Variants in MEP1B observed in about 807,000 individuals in gnomAD.
The protein encoded by MEP1B is N-benzoyl-L-tyrosyl-P-amino-benzoic acid hydrolase subunit beta.
A neutral mutation model predicts 84.6 loss-of-function variants in MEP1B; 80 were observed. That is an observed-to-expected ratio of 0.95 (90% CI 0.79 to 1.14). The LOEUF is 1.14. Ranked by LOEUF, MEP1B falls within the 50% of genes most tolerant of loss-of-function variation. The pLI is 0.00. For missense variants in MEP1B, 766 were observed against 855.1 expected, an observed-to-expected ratio of 0.90 and a Z score of 1.30; for synonymous variants, 273 against 288.1, an observed-to-expected ratio of 0.95 and a Z score of 0.53.
At chr18:32,200,050 C>A (rs1281165150) in intron 5 of MEP1B, among the ~76,000 whole-genome samples, 1 of 151,682 alleles carries the variant, frequency 6.6e-6, no homozygotes, top group African/African-American at 2.4e-5. Flanking sequence ...ATGTATTTAA[C>A]CATGAGCTTT....
rs1371550103 is a variant in MEP1B at position 32,207,474 on chromosome 18, T to C, written c.766+4T>C. On this transcript the variant is annotated splice_donor_region_variant and intron_variant, in intron 8 of 14. Coordinates refer to ENST00000269202, the MANE Select transcript of MEP1B (RefSeq NM_005925.3). ...TTGAATCAACTGTATAACTGCTGTA[T>C]GTGACAGGTTCTTTGAAATGACTTA... The C allele has an allele frequency of 6.9e-6, 11 of 1,586,092 alleles. No homozygotes were observed. Among genetic ancestry groups the C allele is most frequent in the South Asian group, 2.2e-5 (2 of 89,196 alleles).
intron 5 of MEP1B, among the ~76,000 whole-genome samples, chr18:32,201,424 C>T (rs908432864): frequency 1.3e-5 from 2 of 151,976 alleles, no homozygotes; most frequent in Non-Finnish European, 2.9e-5. Context: ...CATATTATAG[C>T]TTCTCAGATT....
Position 32,217,969 on chromosome 18 carries a change from A to G in MEP1B, c.2091+4A>G, listed in dbSNP as rs1410609217. On this transcript the variant is annotated splice_donor_region_variant and intron_variant, in intron 14 of 14. Transcript: ENST00000269202. ...ACCAAATTTGACTCCGCAAAATGTA[A>G]GTTGAGGCTGATGTTTGATTATTCA... The G allele has an allele frequency of 6.2e-7, 1 of 1,613,408 alleles. No individual in the cohort carries two copies. Among genetic ancestry groups the G allele is most frequent in the South Asian group, 1.1e-5 (1 of 91,038 alleles).
Position 32,220,223 on chromosome 18 carries a change from C to A in MEP1B, c.2092-8C>A. On this transcript the variant is annotated splice_polypyrimidine_tract_variant and splice_region_variant and intron_variant, in intron 14 of 14. Transcript: ENST00000269202. The stretch of plus-strand genomic sequence containing the variant: ...AATTAAATCATCAATTGTTCTTTCC[C>A]CTTTTAGCAGCATGCTTTTTGAAGA... 6.2e-7 allele frequency: 1 copy of A among 1,605,416 alleles called. No individual in the cohort carries two copies. The highest frequency in any genetic ancestry group is 2.2e-5 in the East Asian group (1 of 44,744).
intron 5 of MEP1B, among the ~76,000 whole-genome samples, chr18:32,201,120 C>T (rs1598890173): frequency 2.0e-5 from 3 of 152,004 alleles, no homozygotes; most frequent in African/African-American, 7.2e-5. Flanking sequence ...AAGAAACTAT[C>T]CTCATTAAGT....
chr18:32,215,694 G>T (rs2041077215), intron 12 of MEP1B, among the ~76,000 whole-genome samples: 1 of 151,958 alleles, frequency 6.6e-6, no homozygotes, highest in East Asian at 1.9e-4. Flanking sequence ...CGTGGTGGCG[G>T]GCGCCTGTAG....
chr18:32,202,644 T>C (rs912393043), intron 5 of MEP1B, among the ~76,000 whole-genome samples: 10 of 152,214 alleles, frequency 6.6e-5, no homozygotes, highest in Non-Finnish European at 1.5e-4. Flanking sequence ...TTTTATTGTT[T>C]AGTAATGCAC....
At position 32,215,261 on chromosome 18, in the gene MEP1B, G is replaced by C. The variant is rs1252345354; in HGVS notation, c.1759G>C (p.Asp587His). The change falls in exon 12 of 15, where the codon GAC becomes CAC. Residue 587 changes from aspartate (D) to histidine (H), a missense_variant and splice_region_variant. Physicochemically the swap from Asp to His is moderately conservative, Grantham distance 81. Transcript: ENST00000269202. Reference sequence around the variant, plus strand: ...TGTTTATATCCTACTGACAGTGGAAGGTATGTCAATAAAAATAGTTTTATA... The same window carrying C: ...TGTTTATATCCTACTGACAGTGGAACGTATGTCAATAAAAATAGTTTTATA... ...DDVYILLTVE[D>H]ISHLNSTQIQ... The C allele has an allele frequency of 1.3e-6, 2 of 1,546,844 alleles. No individual in the cohort carries two copies. Among genetic ancestry groups the C allele is most frequent in the Non-Finnish European group, 1.7e-6 (2 of 1,147,724 alleles).
chr18:32,195,473 G>C lies in MEP1B; in HGVS notation c.238G>C (p.Glu80Gln), dbSNP rs747719677. The C allele has an allele frequency of 2.5e-6, 4 of 1,606,430 alleles. No individual in the cohort carries two copies. Among genetic ancestry groups the C allele is most frequent in the Middle Eastern group, 1.7e-4 (1 of 6,042 alleles). ...GCCTCATACCATTCCATATGTTCTA[G>C]AAGATAGCTTGGGTTAGTATGCACC... ...RWPHTIPYVL[E>Q]DSLEMNAKGV... Residue 80 changes from glutamate (E) to glutamine (Q), a missense_variant, in exon 5 of 15, where the codon GAA becomes CAA. By Grantham distance (29) the Glu-to-Gln change is conservative (BLOSUM62 2). Transcript: ENST00000269202.
At chr18:32,191,422 T>A (rs944734398) in intron 1 of MEP1B, among the ~76,000 whole-genome samples, 2 of 152,070 alleles carry the variant, frequency 1.3e-5, no homozygotes, top group Non-Finnish European at 2.9e-5. Context: ...AGAATTGTTA[T>A]AAATTACAGT....
Position 32,191,811 on chromosome 18 carries a change from T to A in MEP1B, c.64-11T>A. 1.3e-6 allele frequency: 2 copies of A among 1,528,096 alleles called. No individual in the cohort carries two copies. Among genetic ancestry groups the A allele is most frequent in the Non-Finnish European group, 1.8e-6 (2 of 1,122,314 alleles). The allele number at this position is 1,528,096 out of a possible 1,614,324, so 94.7% of individuals were successfully genotyped here. On this transcript the variant is annotated splice_polypyrimidine_tract_variant and intron_variant, in intron 1 of 14. Coordinates refer to ENST00000269202, the MANE Select transcript of MEP1B (RefSeq NM_005925.3). ...ATAATAATATGTTTTGTTTATGTGT[T>A]TATTTCCCAGGCAACTCCAGAAAAC...
Position 32,217,962 on chromosome 18 carries a change from A to C in MEP1B, c.2088A>C (p.Gln696His). ...CAAATCGACCAAATTTGACTCCGCA[A>C]AATGTAAGTTGAGGCTGATGTTTGA... is the stretch of plus-strand genomic sequence containing the variant. ...MSSNRPNLTP[Q>H]NQHAF The change falls in exon 14 of 15, where the codon CAA becomes CAC. Residue 696 changes from glutamine to histidine, a missense_variant. Physicochemically the swap from Gln to His is conservative, Grantham distance 24. Coordinates refer to ENST00000269202, the MANE Select transcript of MEP1B (RefSeq NM_005925.3). The C allele has an allele frequency of 6.2e-7, 1 of 1,613,708 alleles. No individual in the cohort carries two copies. Among genetic ancestry groups the C allele is most frequent in the African/African-American group, 1.3e-5 (1 of 75,046 alleles).
Position 32,213,177 on chromosome 18 carries a change from A to G in MEP1B, c.1197A>G (p.Arg399=). 6 of 1,613,996 alleles carry G rather than the reference A, an allele frequency of 3.7e-6. No homozygotes were observed. Among genetic ancestry groups the G allele is most frequent in the Non-Finnish European group, 5.1e-6 (6 of 1,179,876 alleles). ...HVTLKVTKKF[R]VVFEGRKGSG... Reference sequence around the variant, plus strand: ...CATTGAAAGTGACCAAGAAGTTTAGAGTGGTGTTTGAAGGACGCAAAGGCT... The same window carrying G: ...CATTGAAAGTGACCAAGAAGTTTAGGGTGGTGTTTGAAGGACGCAAAGGCT... Residue 399 remains arginine, a synonymous_variant, in exon 11 of 15, where the codon AGA becomes AGG. Transcript: ENST00000269202.
At chr18:32,202,148 C>T (rs1456048487) in intron 5 of MEP1B, among the ~76,000 whole-genome samples, 1 of 152,200 alleles carries the variant, frequency 6.6e-6, no homozygotes, top group Non-Finnish European at 1.5e-5. Context: ...GCACTTTCCC[C>T]TCTGCCATAC....
intron 1 of MEP1B, among the ~76,000 whole-genome samples, chr18:32,191,327 T>C (rs1323549718): frequency 2.0e-5 from 3 of 152,008 alleles, no homozygotes; most frequent in African/African-American, 7.2e-5. Context: ...AATATTTGTA[T>C]TGTCTTTGAA....
chr18:32,192,033 T>C (rs534457059), intron 2 of MEP1B, among the ~76,000 whole-genome samples, 193 bp downstream of exon 2: 1 of 152,096 alleles, frequency 6.6e-6, no homozygotes, highest in South Asian at 2.1e-4. Flanking sequence ...AGCAAAGAAA[T>C]AGATGGTATA....
chr18:32,216,800 C>T (rs9961748), intron 12 of MEP1B, among the ~76,000 whole-genome samples, 191 bp from the exon 13 acceptor site: 16,016 of 151,284 alleles, frequency 0.11, 1,175 homozygotes, highest in African/African-American at 0.21. Context: ...ACTCTGAGGC[C>T]GGAGTGGAAA....
intron 5 of MEP1B, among the ~76,000 whole-genome samples, chr18:32,198,415 G>A (rs1183652370): frequency 4.6e-5 from 7 of 152,222 alleles, no homozygotes; most frequent in Non-Finnish European, 1.0e-4. Context: ...TGTTCACCAG[G>A]AGGCATTTGT....
At chr18:32,200,132 A>C (rs959898574) in intron 5 of MEP1B, among the ~76,000 whole-genome samples, 1 of 152,106 alleles carries the variant, frequency 6.6e-6, no homozygotes, top group African/African-American at 2.4e-5. Context: ...TTCATCTTGC[A>C]AATTGGAGGA....
Sources: gnomAD v4.1 joint callset for allele counts (sites outside exome capture counted in the v4.1 genomes callset) on GRCh38, gnomAD v4.1.1 for gene constraint, MANE v1.5 for transcripts, NCBI Gene and HGNC (gene_info 2026-07-23, HGNC 2026-07-21) for gene names.